Variants in SNTG2 observed in about 807,000 individuals in gnomAD.
The protein encoded by SNTG2 is syntrophin gamma 2.
SNTG2 carries 74 observed loss-of-function variants against 70.9 expected under a neutral mutation model. That is an observed-to-expected ratio of 1.04 (90% CI 0.86 to 1.27). SNTG2 has a LOEUF of 1.27. Among genes scored for constraint, SNTG2 ranks in the 50% most tolerant of loss-of-function variants. The pLI is 0.00. For synonymous variants in SNTG2, 278 were observed against 273.8 expected, an observed-to-expected ratio of 1.02 and a Z score of -0.15; for missense variants, 717 against 690.7, an observed-to-expected ratio of 1.04 and a Z score of -0.43.
At chr2:1,325,326 A>G (rs1043098365) in intron 16 of SNTG2, among the ~76,000 whole-genome samples, 4 of 152,254 alleles carry the variant, frequency 2.6e-5, no homozygotes, top group Non-Finnish European at 5.9e-5. Flanking sequence ...TCACAAAAGT[A>G]TAGTTTACCC....
At chr2:1,302,725 T>C (rs746681381) in intron 14 of SNTG2, among the ~76,000 whole-genome samples, 1 of 152,136 alleles carries the variant, frequency 6.6e-6, no homozygotes, top group African/African-American at 2.4e-5. Context: ...ATTAACAAGA[T>C]GACCAAGCTC....
At chr2:1,184,742 C>T (rs1672143159) in intron 8 of SNTG2, among the ~76,000 whole-genome samples, 1 of 152,154 alleles carries the variant, frequency 6.6e-6, no homozygotes, top group South Asian at 2.1e-4. Context: ...TCCCATCAGG[C>T]CCTTCTTCTG....
intron 16 of SNTG2, among the ~76,000 whole-genome samples, chr2:1,338,372 A>AT (rs1266154692): frequency 2.0e-5 from 3 of 151,790 alleles, no homozygotes; most frequent in Non-Finnish European, 2.9e-5. Flanking sequence ...TCTTTTAACA[A>AT]TTTTTTTTAG....
At chr2:1,264,136 G>C (rs1678599329) in intron 13 of SNTG2, among the ~76,000 whole-genome samples, 1 of 152,182 alleles carries the variant, frequency 6.6e-6, no homozygotes, top group African/African-American at 2.4e-5. Context: ...GAAAAAGTTA[G>C]AGATGTCGTG....
intron 9 of SNTG2, among the ~76,000 whole-genome samples, chr2:1,227,523 C>G (rs1395424016): frequency 6.6e-6 from 1 of 152,200 alleles, no homozygotes; most frequent in East Asian, 1.9e-4. Context: ...GGCAGACAGC[C>G]TTTGAGCTCG....
At chr2:1,323,179 G>A (rs986096400) in intron 16 of SNTG2, among the ~76,000 whole-genome samples, 1 of 152,184 alleles carries the variant, frequency 6.6e-6, no homozygotes, top group Admixed American at 6.5e-5. Context: ...GAAAGGAGGT[G>A]GGTAGGGTCT....
chr2:992,239 G>A (rs1450513620), intron 1 of SNTG2, among the ~76,000 whole-genome samples: 1 of 152,012 alleles, frequency 6.6e-6, no homozygotes, highest in African/African-American at 2.4e-5. Flanking sequence ...AGAAATATTG[G>A]GGAAATTGAG....
intron 2 of SNTG2, among the ~76,000 whole-genome samples, chr2:1,089,075 C>CT (rs1464955033): frequency 2.0e-5 from 3 of 152,188 alleles, no homozygotes; most frequent in African/African-American, 4.8e-5. Flanking sequence ...AAATTCATAC[C>CT]TTCAGGAGAA....
intron 1 of SNTG2, among the ~76,000 whole-genome samples, chr2:1,063,031 A>G (rs1662925756): frequency 6.6e-6 from 1 of 152,220 alleles, no homozygotes; most frequent in African/African-American, 2.4e-5. Flanking sequence ...ATAACTGTAA[A>G]AAACTTAATT....
At chr2:1,318,089 A>G (rs2148266799) in intron 16 of SNTG2, among the ~76,000 whole-genome samples, 1 of 152,326 alleles carries the variant, frequency 6.6e-6, no homozygotes, top group Non-Finnish European at 1.5e-5. Flanking sequence ...TTTTAAATTC[A>G]TTGCCTGGAG....
intron 12 of SNTG2, chr2:1,256,628 T>TA (rs1453255541): frequency 6.6e-6 from 1 of 152,074 alleles, no homozygotes; most frequent in East Asian, 1.9e-4. Context: ...TTGGTGATTT[T>TA]TTTTTTCTGG....
chr2:1,338,047 G>A (rs1276898834), intron 16 of SNTG2, among the ~76,000 whole-genome samples: 1 of 152,128 alleles, frequency 6.6e-6, no homozygotes, highest in Non-Finnish European at 1.5e-5. Context: ...GTGCTCTCTG[G>A]TGTATTCCAT....
intron 1 of SNTG2, among the ~76,000 whole-genome samples, chr2:1,003,260 A>T (rs1659465534): frequency 6.6e-6 from 1 of 152,206 alleles, no homozygotes; most frequent in African/African-American, 2.4e-5. Context: ...CAAAAAGAAA[A>T]AAATAATGGA....
At chr2:1,182,657 C>T (rs905290234) in intron 8 of SNTG2, among the ~76,000 whole-genome samples, 4 of 152,234 alleles carry the variant, frequency 2.6e-5, no homozygotes, top group African/African-American at 9.6e-5. Context: ...GTAGGTGACT[C>T]TGAAGTGAAA....
chr2:1,251,046 A>C (rs1190919540), intron 12 of SNTG2, among the ~76,000 whole-genome samples: 1 of 152,170 alleles, frequency 6.6e-6, no homozygotes, highest in South Asian at 2.1e-4. Flanking sequence ...GCTTCTTTCC[A>C]TCATTGTGGT....
chr2:1,042,894 G>A (rs1210182959), intron 1 of SNTG2, among the ~76,000 whole-genome samples: 1 of 152,172 alleles, frequency 6.6e-6, no homozygotes, highest in African/African-American at 2.4e-5. Flanking sequence ...CTGGTAATAG[G>A]ATTGCTGGGT....
At chr2:1,361,395 A>G (rs1661138344) in intron 16 of SNTG2, among the ~76,000 whole-genome samples, 1 of 152,176 alleles carries the variant, frequency 6.6e-6, no homozygotes, top group African/African-American at 2.4e-5. Context: ...GCAAATCATT[A>G]TTGGAGACAG....
At chr2:1,261,787 C>T (rs62108066) in intron 13 of SNTG2, among the ~76,000 whole-genome samples, 3 of 152,196 alleles carry the variant, frequency 2.0e-5, no homozygotes, top group South Asian at 2.1e-4. Context: ...AGTTAATTCT[C>T]TCCCCACCTA....
chr2:1,193,786 CACAGTTT>C (rs1331418983), intron 8 of SNTG2, among the ~76,000 whole-genome samples: 1 of 152,176 alleles, frequency 6.6e-6, no homozygotes, highest in Non-Finnish European at 1.5e-5. Context: ...TCTAGGTGAA[CACAGTTT>C]ACATTTTAGA....
Sources: allele counts gnomAD v4.1 joint callset (sites outside exome capture counted in the v4.1 genomes callset), GRCh38; gene constraint gnomAD v4.1.1; transcripts MANE v1.5; gene names NCBI Gene and HGNC (gene_info 2026-07-23, HGNC 2026-07-21).